Variants in DMRT1 observed in about 807,000 individuals in gnomAD.
DMRT1 encodes doublesex- and mab-3-related transcription factor 1.
In DMRT1, 7 loss-of-function variants were observed where a neutral mutation model predicts 32.3. The observed-to-expected ratio is 0.22, with a 90% CI of 0.12 to 0.41. The LOEUF (loss-of-function observed/expected upper bound fraction) is 0.41. Ranked by LOEUF, DMRT1 falls within the 10% of genes least tolerant of loss-of-function variation. The probability of loss-of-function intolerance (pLI) is 1.00; values close to 1 mark genes in which losing one functional copy is unlikely to be tolerated. For missense variants in DMRT1, 625 were observed against 500.5 expected (o/e 1.25, Z -2.37); for synonymous variants, 278 against 206.1 (o/e 1.35, Z -2.99).
intron 2 of DMRT1, among the ~76,000 whole-genome samples, chr9:864,761 A>C (rs1472687455): frequency 1.3e-5 from 2 of 152,008 alleles, no homozygotes. Flanking sequence ...CGGCCTCCCA[A>C]AGTGCTGGGA....
intron 4 of DMRT1, among the ~76,000 whole-genome samples, chr9:958,718 C>G (rs1276612944): frequency 6.6e-6 from 1 of 152,188 alleles, no homozygotes; most frequent in African/African-American, 2.4e-5. Context: ...GCTAAAGATG[C>G]ACATCCTAAG....
intron 2 of DMRT1, among the ~76,000 whole-genome samples, chr9:892,543 A>C (rs1817192504): frequency 6.6e-6 from 1 of 152,086 alleles, no homozygotes; most frequent in Admixed American, 6.6e-5. Flanking sequence ...TCCCTGGAAC[A>C]GGCTCCTCTC....
intron 4 of DMRT1, among the ~76,000 whole-genome samples, chr9:960,903 C>T (rs947929681): frequency 5.3e-5 from 8 of 152,074 alleles, no homozygotes; most frequent in Non-Finnish European, 7.3e-5. Context: ...TGAGAAGTGA[C>T]GCTAGGAACA....
At chr9:849,224 T>A (rs1169046148) in intron 2 of DMRT1, among the ~76,000 whole-genome samples, 1 of 152,164 alleles carries the variant, frequency 6.6e-6, no homozygotes, top group Non-Finnish European at 1.5e-5. Flanking sequence ...AACCTATGGA[T>A]TTCCCATTCT....
At position 871,525 on chromosome 9, in the gene DMRT1, T is replaced by TA. The variant is rs1236099284; in HGVS notation, c.539-22386dup. On this transcript the variant is annotated intron_variant, in intron 2 of 4. Coordinates refer to ENST00000382276, the MANE Select transcript of DMRT1 (RefSeq NM_021951.3). ...TTTTTTTTTTTTTTTTTTTTTTTGG[T>TA]AGAGACGGGGTTTCACCGTGTTAGC... Among the ~76,000 whole-genome samples the TA allele has an allele frequency of 4.2e-3, 484 of 114,548 alleles. 8 individuals are homozygous for TA. The highest frequency in any genetic ancestry group is 0.016 in the African/African-American group (459 of 28,518). The allele number at this position is 114,548 out of a possible 152,430, so 75.1% of individuals were successfully genotyped here. A position where few individuals can be genotyped will look rare whatever the true frequency, so the allele number is the denominator to read the frequency against.
intron 2 of DMRT1, among the ~76,000 whole-genome samples, chr9:863,012 A>T (rs1449583052): frequency 6.6e-6 from 1 of 152,018 alleles, no homozygotes; most frequent in East Asian, 1.9e-4. Context: ...TAATGGCATG[A>T]ATCCTTAAAA....
At chr9:850,322 G>T (rs746037607) in intron 2 of DMRT1, among the ~76,000 whole-genome samples, 1 of 152,166 alleles carries the variant, frequency 6.6e-6, no homozygotes, top group Non-Finnish European at 1.5e-5. Context: ...GTGGGAGAGT[G>T]GGGGAGAGCC....
At chr9:845,446 G>C (rs1838865789) in intron 1 of DMRT1, among the ~76,000 whole-genome samples, 1 of 152,142 alleles carries the variant, frequency 6.6e-6, no homozygotes, top group Non-Finnish European at 1.5e-5. Context: ...GACCTCAGGT[G>C]ATACACCTGC....
chr9:852,628 A>T (rs562007347), intron 2 of DMRT1, among the ~76,000 whole-genome samples: 9 of 152,200 alleles, frequency 5.9e-5, no homozygotes, highest in Non-Finnish European at 1.3e-4. Context: ...CATTGTAGAT[A>T]ATTCAGTTCT....
At chr9:851,789 G>A (rs971037959) in intron 2 of DMRT1, among the ~76,000 whole-genome samples, 6 of 152,064 alleles carry the variant, frequency 3.9e-5, no homozygotes, top group Non-Finnish European at 5.9e-5. Context: ...CAGATTAACT[G>A]GATAGTCTTT....
intron 3 of DMRT1, among the ~76,000 whole-genome samples, chr9:914,018 A>G (rs1818083089): frequency 6.6e-6 from 1 of 152,182 alleles, no homozygotes. Flanking sequence ...CAGTCTTACC[A>G]TCAGGACCTG....
intron 4 of DMRT1, among the ~76,000 whole-genome samples, chr9:953,523 A>C (rs1188085619): frequency 6.6e-6 from 1 of 152,134 alleles, no homozygotes; most frequent in Non-Finnish European, 1.5e-5. Flanking sequence ...TGATGACAGG[A>C]AAGTTTATCA....
chr9:935,321 A>G (rs1412641228), intron 4 of DMRT1, among the ~76,000 whole-genome samples: 1 of 152,224 alleles, frequency 6.6e-6, no homozygotes, highest in Non-Finnish European at 1.5e-5. Flanking sequence ...CGAGGGGGGC[A>G]GATGGATAAT....
intron 2 of DMRT1, among the ~76,000 whole-genome samples, chr9:871,651 T>C (rs1057156871): frequency 5.7e-5 from 6 of 106,112 alleles, no homozygotes; most frequent in Non-Finnish European, 1.1e-4. Flanking sequence ...ACTTTTTGTA[T>C]TTTTAGTAGA....
rs574872804 is a variant in DMRT1, at chr9:956,440, G to C, written c.968-11545G>C. Among the ~76,000 whole-genome samples, 4 of 151,952 alleles carry C rather than the reference G, an allele frequency of 2.6e-5. No homozygotes were observed. In the South Asian group the frequency reaches 8.3e-4, roughly 32 times the overall value. On this transcript the variant is annotated intron_variant, in intron 4 of 4. Transcript: ENST00000382276. ...AGGGCCAGGTGTGGTGGCTCATGCC[G>C]GTAATCCCAGCACTTTGGGAAGCTG...
intron 4 of DMRT1, among the ~76,000 whole-genome samples, chr9:929,201 T>C (rs1305486102): frequency 1.3e-5 from 2 of 152,198 alleles, no homozygotes; most frequent in African/African-American, 4.8e-5. Context: ...CATCTGTGTC[T>C]TCTCTGAAAC....
intron 3 of DMRT1, among the ~76,000 whole-genome samples, chr9:915,100 T>C (rs1356435742): frequency 6.6e-6 from 1 of 152,258 alleles, no homozygotes; most frequent in Non-Finnish European, 1.5e-5. Flanking sequence ...TACTCATATT[T>C]CTGGACAGAA....
At chr9:907,490 C>T (rs930766368) in intron 3 of DMRT1, among the ~76,000 whole-genome samples, 1 of 152,202 alleles carries the variant, frequency 6.6e-6, no homozygotes, top group Non-Finnish European at 1.5e-5. Flanking sequence ...TGTGAACCCC[C>T]TGATATGCAC....
At chr9:916,657 C>A in intron 3 of DMRT1, 106 bp from the exon 4 acceptor site, 1 of 1,384,334 alleles carries the variant, frequency 7.2e-7, no homozygotes, top group Non-Finnish European at 1.0e-6. Context: ...TAGGCATGAG[C>A]CACTGTGCCC....
Sources: gnomAD v4.1 joint callset for allele counts (sites outside exome capture counted in the v4.1 genomes callset) on GRCh38, gnomAD v4.1.1 for gene constraint, MANE v1.5 for transcripts, NCBI Gene and HGNC (gene_info 2026-07-23, HGNC 2026-07-21) for gene names.